Variants in GREB1L observed in about 807,000 individuals in gnomAD.
GREB1L encodes the protein GREB1-like protein.
GREB1L carries 17 observed loss-of-function variants against 200.8 expected under a neutral mutation model. That is an observed-to-expected ratio of 0.08 (90% CI 0.06 to 0.13). GREB1L has a LOEUF of 0.13. GREB1L is among the 10% of genes least tolerant of loss of function. The pLI is 1.00. For synonymous variants in GREB1L, 789 were observed against 893.0 expected (o/e 0.88, Z 2.08); for missense variants, 1,657 against 2,367.7 (o/e 0.70, Z 6.23).
At chr18:21,489,977 C>CT in intron 18 of GREB1L, 35 bp from the exon 19 acceptor site, 1 of 1,493,198 alleles carries the variant, frequency 6.7e-7, no homozygotes. Context: ...GCTGGCCCTG[C>CT]TGCCTGAGTG....
intron 7 of GREB1L, among the ~76,000 whole-genome samples, chr18:21,429,527 G>A (rs1207555087): frequency 1.3e-5 from 2 of 151,636 alleles, no homozygotes; most frequent in Admixed American, 1.3e-4. Flanking sequence ...CTTTGTCTGG[G>A]TAATATTGGC....
chr18:21,264,250 A>T (rs2037932582), intron 1 of GREB1L, among the ~76,000 whole-genome samples: 1 of 151,900 alleles, frequency 6.6e-6, no homozygotes. Flanking sequence ...ATTTAGTGTA[A>T]TTAATTTTAG....
rs762252745 is a variant in GREB1L at position 21,477,455 on chromosome 18, A to G, written c.2556+99A>G. 9.5e-6 allele frequency: 9 copies of G among 943,306 alleles called. No individual in the cohort carries two copies. In the East Asian group the frequency reaches 2.3e-4, roughly 24 times the overall value. The allele number at this position is 943,306 out of a possible 1,614,324, so 58.4% of individuals were successfully genotyped here. A position where few individuals can be genotyped will look rare whatever the true frequency, so the allele number is the denominator to read the frequency against. The stretch of plus-strand genomic sequence containing the variant: ...TGTGTCATGGCTTAAGACCATATTC[A>G]TAAGAATTCAAAATCTAACGTAATG... On this transcript the variant is annotated intron_variant, in intron 17 of 32. Transcript: ENST00000424526.
At chr18:21,296,238 A>G (rs2038525638) in intron 1 of GREB1L, among the ~76,000 whole-genome samples, 1 of 152,222 alleles carries the variant, frequency 6.6e-6, no homozygotes, top group South Asian at 2.1e-4. Flanking sequence ...ACCATGGAAT[A>G]CTACACAGCC....
At position 21,379,365 on chromosome 18, in the gene GREB1L, C is replaced by A. The variant is rs56011815; in HGVS notation, c.-9-4145C>A. Among the ~76,000 whole-genome samples the A allele has an allele frequency of 1.0e-2, 1,517 of 152,224 alleles. 31 individuals are homozygous for A. Among genetic ancestry groups the A allele is most frequent in the African/African-American group, 0.034 (1,424 of 41,538 alleles). Reference sequence around the variant, plus strand: ...GGGATTACAGGCAGGTGCCACCATGCCCAGCTAAGTTTGTATTTTTAGTAG... The same window carrying A: ...GGGATTACAGGCAGGTGCCACCATGACCAGCTAAGTTTGTATTTTTAGTAG... On this transcript the variant is annotated intron_variant, in intron 2 of 32. Transcript: ENST00000424526.
Position 21,520,699 on chromosome 18 carries a change from C to T in GREB1L, c.5484C>T (p.Cys1828=), listed in dbSNP as rs1405717960. The change falls in exon 32 of 33, where the codon TGC becomes TGT. Residue 1828 remains cysteine (C), a synonymous_variant. Transcript: ENST00000424526. The part of the protein sequence containing the change: ...YLNIGPEVAI[C]YISSRPHSSN... Reference sequence around the variant, plus strand: ...CTTGATGATTTCAGGTGGCCATATGCTATATCAGCTCCAGACCCCACTCCA... The same window carrying T: ...CTTGATGATTTCAGGTGGCCATATGTTATATCAGCTCCAGACCCCACTCCA... The T allele has an allele frequency of 6.4e-7, 1 of 1,551,512 alleles. No homozygotes were observed. Among genetic ancestry groups the T allele is most frequent in the Non-Finnish European group, 8.7e-7 (1 of 1,146,986 alleles).
At chr18:21,500,465 G>A in intron 22 of GREB1L, 75 bp from the exon 23 acceptor site, 1 of 1,140,712 alleles carries the variant, frequency 8.8e-7, no homozygotes, top group African/African-American at 1.5e-5. Context: ...GAGCCAAGGT[G>A]TGAAATCTCT....
chr18:21,522,157 A>G (rs1300749251), intron 32 of GREB1L, among the ~76,000 whole-genome samples: 2 of 151,932 alleles, frequency 1.3e-5, no homozygotes, highest in Non-Finnish European at 2.9e-5. Context: ...TTGGAAGATT[A>G]CTTACTTTAT....
intron 1 of GREB1L, among the ~76,000 whole-genome samples, chr18:21,365,102 C>T (rs1036022390): frequency 8.6e-5 from 13 of 151,566 alleles, no homozygotes; most frequent in African/African-American, 2.9e-4. Context: ...TATTTTTATT[C>T]GAAAAATCTA....
rs1219840956 is a variant in GREB1L, at chr18:21,508,129, C to T, written c.4380C>T (p.Ser1460=). The T allele has an allele frequency of 1.3e-6, 2 of 1,551,482 alleles. No homozygotes were observed. Among genetic ancestry groups the T allele is most frequent in the African/African-American group, 1.4e-5 (1 of 73,038 alleles). Residue 1460 remains serine (S), a synonymous_variant, in exon 26 of 33, where the codon TCC becomes TCT. Coordinates refer to ENST00000424526, the MANE Select transcript of GREB1L (RefSeq NM_001142966.3). ...CTTTGCAAATGTAGATGTCTGACTC[C>T]ACCCTTCATGCCTTCACATTCTCTT... ...DFTSASQMSD[S]TLHAFTFSSS...
At chr18:21,272,261 G>A (rs776532976) in intron 1 of GREB1L, among the ~76,000 whole-genome samples, 11 of 152,204 alleles carry the variant, frequency 7.2e-5, no homozygotes, top group Non-Finnish European at 1.6e-4. Context: ...CTTCAAGATT[G>A]CTGTGGAAGG....
intron 15 of GREB1L, among the ~76,000 whole-genome samples, chr18:21,468,435 T>C (rs2035350582): frequency 6.6e-6 from 1 of 152,204 alleles, no homozygotes; most frequent in African/African-American, 2.4e-5. Context: ...TAGGAGGTGA[T>C]GAAAATGTTT....
intron 15 of GREB1L, among the ~76,000 whole-genome samples, chr18:21,471,345 C>T (rs2035474354): frequency 2.0e-5 from 3 of 152,154 alleles, no homozygotes; most frequent in Admixed American, 2.0e-4. Context: ...ACTACACTCC[C>T]TATTTTACAG....
intron 1 of GREB1L, among the ~76,000 whole-genome samples, chr18:21,353,952 A>C (rs2039469945): frequency 1.3e-5 from 2 of 151,792 alleles, no homozygotes; most frequent in South Asian, 4.2e-4. Flanking sequence ...CACTCAGATA[A>C]TTTTTTTGTA....
At chr18:21,298,750 A>AT (rs2038569727) in intron 1 of GREB1L, among the ~76,000 whole-genome samples, 1 of 152,204 alleles carries the variant, frequency 6.6e-6, no homozygotes, top group East Asian at 1.9e-4. Context: ...CTTAGGCAAC[A>AT]TAGTGAGACC....
At chr18:21,357,800 G>A (rs148199823) in intron 1 of GREB1L, among the ~76,000 whole-genome samples, 2 of 152,198 alleles carry the variant, frequency 1.3e-5, no homozygotes, top group African/African-American at 4.8e-5. Flanking sequence ...AATTTTGGGG[G>A]CTTTCTGTTC....
At chr18:21,324,469 C>A (rs2038993397) in intron 1 of GREB1L, among the ~76,000 whole-genome samples, 1 of 152,142 alleles carries the variant, frequency 6.6e-6, no homozygotes, top group Admixed American at 6.5e-5. Flanking sequence ...GAATTTTTGT[C>A]TCTGTCAAAA....
Position 21,306,804 on chromosome 18 carries a change from G to A in GREB1L, c.-119-59223G>A, listed in dbSNP as rs2038708618. 2.0e-5 allele frequency among the ~76,000 whole-genome samples: 3 copies of A among 152,140 alleles called. No homozygotes were observed. In the East Asian group the frequency reaches 5.8e-4, roughly 29 times the overall value. ...TTACAAATGAAGCATAATAAATTGG[G>A]CATATGCCTATGCTTAAGGGAGAAG... On this transcript the variant is annotated intron_variant, in intron 1 of 32. Coordinates refer to ENST00000424526, the MANE Select transcript of GREB1L (RefSeq NM_001142966.3).
intron 2 of GREB1L, among the ~76,000 whole-genome samples, chr18:21,366,341 C>T (rs914113673): frequency 1.1e-4 from 17 of 151,918 alleles, no homozygotes; most frequent in African/African-American, 4.1e-4. Flanking sequence ...AGTTCTTTCT[C>T]TACAACAACC....
Sources: gnomAD v4.1 joint callset for allele counts (sites outside exome capture counted in the v4.1 genomes callset) on GRCh38, gnomAD v4.1.1 for gene constraint, MANE v1.5 for transcripts, NCBI Gene and HGNC (gene_info 2026-07-23, HGNC 2026-07-21) for gene names.